Variants in SIPA1L1 observed in about 807,000 individuals in gnomAD.
SIPA1L1 encodes signal induced proliferation associated 1 like 1.
SIPA1L1 carries 26 observed loss-of-function variants against 162.7 expected under a neutral mutation model. That is an observed-to-expected ratio of 0.16 (90% CI 0.12 to 0.22). The LOEUF is 0.22. Among genes scored for constraint, SIPA1L1 ranks in the 10% least tolerant of loss-of-function variants. The pLI is 1.00. For missense variants in SIPA1L1, 1,874 were observed against 2,241.0 expected, an observed-to-expected ratio of 0.84 and a Z score of 3.31; for synonymous variants, 829 against 837.4, an observed-to-expected ratio of 0.99 and a Z score of 0.17.
intron 2 of SIPA1L1, among the ~76,000 whole-genome samples, chr14:71,431,208 A>G (rs1279314746): frequency 6.6e-6 from 1 of 152,206 alleles, no homozygotes; most frequent in East Asian, 1.9e-4. Flanking sequence ...ATTATGTTAA[A>G]TAAGTTAGAA....
intron 5 of SIPA1L1, among the ~76,000 whole-genome samples, chr14:71,603,662 C>G (rs1354266227): frequency 3.3e-5 from 5 of 151,996 alleles, no homozygotes; most frequent in Non-Finnish European, 7.4e-5. Flanking sequence ...GTGGCCCACG[C>G]CTGTAATCCC....
chr14:71,735,221 G>C (rs1300393645), intron 21 of SIPA1L1, 56 bp from the exon 22 acceptor site: 1 of 1,196,612 alleles, frequency 8.4e-7, no homozygotes, highest in Non-Finnish European at 1.2e-6. Flanking sequence ...GACTTTGATA[G>C]ATAGGGCCAG....
At chr14:71,605,103 A>G (rs984677012) in intron 5 of SIPA1L1, among the ~76,000 whole-genome samples, 3 of 151,286 alleles carry the variant, frequency 2.0e-5, no homozygotes, top group African/African-American at 4.9e-5. Flanking sequence ...TTGACTGACT[A>G]TGTTATTTCA....
chr14:71,351,017 TTTA>T (rs1198522196), intron 2 of SIPA1L1, among the ~76,000 whole-genome samples: 4 of 152,202 alleles, frequency 2.6e-5, no homozygotes, highest in Non-Finnish European at 5.9e-5. Flanking sequence ...GTGAAATAGT[TTTA>T]TTGTTAACAA....
At chr14:71,487,528 C>A (rs988182202) in intron 2 of SIPA1L1, among the ~76,000 whole-genome samples, 1 of 152,124 alleles carries the variant, frequency 6.6e-6, no homozygotes, top group African/African-American at 2.4e-5. Flanking sequence ...TTCCTGGCAT[C>A]TGTGTATGGT....
At chr14:71,659,894 C>T (rs1050511169) in intron 9 of SIPA1L1, among the ~76,000 whole-genome samples, 1 of 151,906 alleles carries the variant, frequency 6.6e-6, no homozygotes, top group Non-Finnish European at 1.5e-5. Context: ...AAAATTTTCA[C>T]TCTCTAGCCA....
At chr14:71,341,239 A>G (rs928209591) in intron 2 of SIPA1L1, among the ~76,000 whole-genome samples, 6 of 152,378 alleles carry the variant, frequency 3.9e-5, no homozygotes, top group South Asian at 4.1e-4. Context: ...TAAGTTTGTA[A>G]TAACCACAGA....
chr14:71,387,248 C>CAAAAAAAAAAAAAAAAA (rs398025583), intron 2 of SIPA1L1, among the ~76,000 whole-genome samples: 1 of 53,882 alleles, frequency 1.9e-5, no homozygotes. Context: ...AACTCTGTCT[C>CAAAAAAAAAAAAAAAAA]AAAAAAAAAA....
intron 22 of SIPA1L1, among the ~76,000 whole-genome samples, chr14:71,736,925 T>C (rs1256262656): frequency 6.6e-6 from 1 of 152,232 alleles, no homozygotes; most frequent in Non-Finnish European, 1.5e-5. Context: ...TTGCGAAGGA[T>C]ACCACTGCTG....
intron 2 of SIPA1L1, among the ~76,000 whole-genome samples, chr14:71,389,686 G>A (rs572785014): frequency 3.9e-4 from 60 of 152,256 alleles, no homozygotes; most frequent in African/African-American, 1.4e-3. Context: ...GCAGTGTTTT[G>A]TGGCATACTT....
chr14:71,569,248 A>G (rs2031441512), intron 4 of SIPA1L1, among the ~76,000 whole-genome samples: 1 of 152,188 alleles, frequency 6.6e-6, no homozygotes, highest in African/African-American at 2.4e-5. Flanking sequence ...TAATTTAACT[A>G]ATTTAGTGAC....
At chr14:71,413,624 C>CT (rs2042561943) in intron 2 of SIPA1L1, among the ~76,000 whole-genome samples, 1 of 152,120 alleles carries the variant, frequency 6.6e-6, no homozygotes, top group African/African-American at 2.4e-5. Flanking sequence ...GTAATCCCAG[C>CT]TACTCAGGAG....
At chr14:71,428,173 G>A (rs780855078) in intron 2 of SIPA1L1, among the ~76,000 whole-genome samples, 41 of 151,462 alleles carry the variant, frequency 2.7e-4, no homozygotes, top group Admixed American at 6.6e-5. Flanking sequence ...TGTATTTTTA[G>A]TAGTGATGGG....
intron 2 of SIPA1L1, among the ~76,000 whole-genome samples, chr14:71,439,123 G>A (rs2044638642): frequency 1.3e-5 from 2 of 152,182 alleles, no homozygotes; most frequent in Non-Finnish European, 2.9e-5. Context: ...ACCTCATGGA[G>A]AGGAGGGCAA....
intron 2 of SIPA1L1, among the ~76,000 whole-genome samples, chr14:71,410,320 G>T (rs566830937): frequency 6.6e-6 from 1 of 152,254 alleles, no homozygotes; most frequent in African/African-American, 2.4e-5. Context: ...GCTGTTGATT[G>T]CATGTCTTAG....
chr14:71,334,825 T>A (rs533137352), intron 2 of SIPA1L1, among the ~76,000 whole-genome samples: 1 of 152,338 alleles, frequency 6.6e-6, no homozygotes, highest in South Asian at 2.1e-4. Context: ...AAGTATGTAT[T>A]TGAATCTATT....
chr14:71,589,363 C>T lies in SIPA1L1; in HGVS notation c.1491C>T (p.Tyr497=). ...LGAYYYRKFF[Y]QKEHWNYFGA... is the part of the protein sequence containing the mutation. ...CATACTATTATAGAAAATTTTTCTA[C>T]CAGAAGGGTAAGTAGAGATCCTTTA... is the stretch of plus-strand genomic sequence containing the variant. Residue 497 remains tyrosine, a synonymous_variant, in exon 5 of 24, where the codon TAC becomes TAT. Transcript: ENST00000381232. 1 of 1,599,592 alleles carries T rather than the reference C, an allele frequency of 6.3e-7. No homozygotes were observed. Among genetic ancestry groups the T allele is most frequent in the South Asian group, 1.1e-5 (1 of 90,682 alleles).
At chr14:71,707,928 G>T (rs890586442) in intron 16 of SIPA1L1, among the ~76,000 whole-genome samples, 1 of 150,980 alleles carries the variant, frequency 6.6e-6, no homozygotes, top group African/African-American at 2.4e-5. Flanking sequence ...AGCCAAAGTG[G>T]CATCTCGTGG....
At chr14:71,543,978 C>T (rs1211466811) in intron 4 of SIPA1L1, among the ~76,000 whole-genome samples, 2 of 149,000 alleles carry the variant, frequency 1.3e-5, no homozygotes, top group African/African-American at 5.0e-5. Flanking sequence ...TATACACACA[C>T]GCACATGTAT....
Sources: allele counts gnomAD v4.1 joint callset (sites outside exome capture counted in the v4.1 genomes callset), GRCh38; gene constraint gnomAD v4.1.1; transcripts MANE v1.5; gene names NCBI Gene and HGNC (gene_info 2026-07-23, HGNC 2026-07-21).